SYNJ2: variants seen among roughly 807,000 people sequenced by gnomAD.
SYNJ2 encodes the protein polyphosphatidylinositol phosphatase SYNJ2.
Under a neutral mutation model 141.3 loss-of-function variants are expected in SYNJ2, and 116 were observed. That is an observed-to-expected ratio of 0.82 (90% CI 0.71 to 0.96). The LOEUF is 0.96. Among genes scored for constraint, SYNJ2 ranks in the 40% least tolerant of loss-of-function variants. The probability of loss-of-function intolerance (pLI) is 0.00; values close to 1 mark genes in which losing one functional copy is unlikely to be tolerated. For synonymous variants in SYNJ2, 745 were observed against 777.7 expected, an observed-to-expected ratio of 0.96 and a Z score of 0.70; for missense variants, 1,873 against 1,934.8, an observed-to-expected ratio of 0.97 and a Z score of 0.60.
Position 158,043,451 on chromosome 6 carries a change from C to T in SYNJ2, c.795+52C>T. ...CCCTTGTGATGTTGTCCGCCCTGCC[C>T]TTCCCTTCAATAGCTGGGGAAGATT... On this transcript the variant is annotated intron_variant, in intron 5 of 26. Transcript: ENST00000355585. The surrounding 1 kb of genome is among the most constrained non-coding windows in gnomAD (Gnocchi z 4.0). 7.5e-7 allele frequency: 1 copy of T among 1,339,060 alleles called. No homozygotes were observed. The highest frequency in any genetic ancestry group is 1.1e-6 in the Non-Finnish European group (1 of 940,648). 82.9% of individuals were successfully genotyped at this position (1,339,060 alleles called of 1,614,324 possible).
chr6:158,096,027 G>A lies in SYNJ2; in HGVS notation c.4154G>A (p.Ser1385Asn). ...GTVFPQGDFL[S>N]TSSATSPDSD... ...GTCTTCCCACAAGGGGACTTTCTCA[G>A]CACTTCATCTGCTACAAGCCCCGAC... is the stretch of plus-strand genomic sequence containing the variant. The change falls in exon 27 of 27, where the codon AGC (serine) becomes AAC (asparagine). Residue 1385 changes from serine (S) to asparagine (N), a missense_variant. Coordinates refer to ENST00000355585, the MANE Select transcript of SYNJ2 (RefSeq NM_003898.4). The A allele has an allele frequency of 1.2e-6, 2 of 1,614,218 alleles. No homozygotes were observed. The highest frequency in any genetic ancestry group is 1.7e-6 in the Non-Finnish European group (2 of 1,180,038).
intron 6 of SYNJ2, among the ~76,000 whole-genome samples, chr6:158,055,865 A>G (rs1780839595): frequency 6.6e-6 from 1 of 152,198 alleles, no homozygotes; most frequent in South Asian, 2.1e-4. Context: ...CTTTAAAGAG[A>G]TATTTAATCA....
At chr6:158,093,899 C>T in intron 26 of SYNJ2, 2 of 764,912 alleles carry the variant, frequency 2.6e-6, no homozygotes, top group Non-Finnish European at 4.8e-6. Flanking sequence ...TTGTTTTTTG[C>T]TCTCGCTCTC....
At chr6:158,017,002 G>T in intron 1 of SYNJ2, 1 of 1,275,380 alleles carries the variant, frequency 7.8e-7, no homozygotes, top group Non-Finnish European at 9.9e-7. Context: ...AGAGCAAGCT[G>T]TTGGTGGGAA....
chr6:158,090,226 A>G (rs1014175945), intron 25 of SYNJ2, among the ~76,000 whole-genome samples: 1 of 152,226 alleles, frequency 6.6e-6, no homozygotes. Context: ...GTTTTTAAAA[A>G]AGGTGAATGC....
intron 4 of SYNJ2, among the ~76,000 whole-genome samples, chr6:158,037,054 G>A (rs148471483): frequency 4.6e-5 from 7 of 152,238 alleles, no homozygotes; most frequent in South Asian, 4.1e-4. Flanking sequence ...CTAAAACACC[G>A]GACATTCTAA....
At chr6:158,047,259 C>T (rs893364430) in intron 5 of SYNJ2, among the ~76,000 whole-genome samples, 1 of 152,084 alleles carries the variant, frequency 6.6e-6, no homozygotes, top group Admixed American at 6.5e-5. Flanking sequence ...TTCCCCGCAG[C>T]CACCACAGAA....
chr6:158,026,323 C>G (rs9456986), intron 2 of SYNJ2, among the ~76,000 whole-genome samples: 55,951 of 152,152 alleles, frequency 0.37, 10,554 homozygotes, highest in Middle Eastern at 0.49. Context: ...ATTTGGATCC[C>G]AGCTCCCCGC....
intron 26 of SYNJ2, among the ~76,000 whole-genome samples, chr6:158,093,419 G>A (rs555907163): frequency 3.6e-4 from 53 of 146,170 alleles, no homozygotes; most frequent in Admixed American, 2.2e-3. Flanking sequence ...CTGAGCAGCA[G>A]AGTGAGACTC....
chr6:158,091,071 A>G (rs1583519314), intron 25 of SYNJ2, among the ~76,000 whole-genome samples: 3 of 150,972 alleles, frequency 2.0e-5, no homozygotes, highest in South Asian at 2.1e-4. Context: ...TAATCCCAGC[A>G]CTTTGGGAGG....
chr6:158,029,315 G>C (rs930585995), intron 3 of SYNJ2: 5 of 250,740 alleles, frequency 2.0e-5, no homozygotes, highest in Non-Finnish European at 3.1e-5. Context: ...TTGGGAGGCT[G>C]AGGCAGGTGG....
chr6:158,094,042 T>C, intron 26 of SYNJ2: 1 of 763,062 alleles, frequency 1.3e-6, no homozygotes, highest in Non-Finnish European at 2.4e-6. Context: ...CCCTCGGTAA[T>C]CCCTTCCTGG....
intron 15 of SYNJ2, among the ~76,000 whole-genome samples, chr6:158,074,148 G>T (rs923783835): frequency 6.6e-6 from 1 of 152,090 alleles, no homozygotes; most frequent in Non-Finnish European, 1.5e-5. Context: ...ACCTGAAAAA[G>T]CTCAGGAAGT....
At chr6:158,048,791 A>G (rs1020497392) in intron 5 of SYNJ2, among the ~76,000 whole-genome samples, 4 of 152,102 alleles carry the variant, frequency 2.6e-5, no homozygotes, top group African/African-American at 9.7e-5. Context: ...CATCGTGGCC[A>G]CTTTCAACCT....
chr6:158,051,162 G>T (rs1780544176), intron 5 of SYNJ2, among the ~76,000 whole-genome samples: 1 of 152,142 alleles, frequency 6.6e-6, no homozygotes, highest in Admixed American at 6.5e-5. Flanking sequence ...GGAGAGCCAG[G>T]CTCCTCAGCC....
intron 1 of SYNJ2, among the ~76,000 whole-genome samples, chr6:158,004,516 C>A (rs534452301): frequency 6.6e-6 from 1 of 152,314 alleles, no homozygotes; most frequent in African/African-American, 2.4e-5. Flanking sequence ...GGGAAGAACC[C>A]TCAGTTCCTG....
intron 1 of SYNJ2, among the ~76,000 whole-genome samples, chr6:157,997,022 A>ACC (rs1554229446): frequency 4.3e-5 from 4 of 93,954 alleles, no homozygotes; most frequent in African/African-American, 1.6e-4. Context: ...CTCCCCACCT[A>ACC]CCCCACCCCC....
In SYNJ2 at chr6:158,027,342, TG is replaced by T. The variant is rs1398713953; in HGVS notation, c.215-1411del. 26 of 424,030 alleles carry T rather than the reference TG, an allele frequency of 6.1e-5. No individual in the cohort carries two copies. The East Asian group carries it at 2.4e-3, about 39-fold the overall frequency. The allele number at this position is 424,030 out of a possible 1,614,324, so 26.3% of individuals were successfully genotyped here. ...CTCAGCGGGGTGGGAAGAGTGTCCT[TG>T]GGACTAGAGCCCTGCCAGACCCCAA... is the stretch of plus-strand genomic sequence containing the variant. On this transcript the variant is annotated intron_variant, in intron 2 of 26. Coordinates refer to ENST00000355585, the MANE Select transcript of SYNJ2 (RefSeq NM_003898.4). The surrounding 1 kb of genome is among the most constrained non-coding windows in gnomAD (Gnocchi z 4.6).
At chr6:158,026,754 C>T (rs1779069051) in intron 2 of SYNJ2, 1 of 892,734 alleles carries the variant, frequency 1.1e-6, no homozygotes, top group Non-Finnish European at 1.3e-6. Context: ...ATAGCTCTGG[C>T]AGCCACAGGG....
Sources: gnomAD v4.1 joint callset for allele counts (sites outside exome capture counted in the v4.1 genomes callset) on GRCh38, gnomAD v4.1.1 for gene constraint, Gnocchi (gnomAD v3.1) non-coding constraint, MANE v1.5 for transcripts, NCBI Gene and HGNC (gene_info 2026-07-23, HGNC 2026-07-21) for gene names.